S100Z: variants seen among roughly 807,000 people sequenced by gnomAD.
S100Z encodes protein S100-Z.
In S100Z, 11 loss-of-function variants were observed where a neutral mutation model predicts 8.5. The ratio of observed to expected loss-of-function variants is 1.30; its 90% CI spans 0.82 to 2.15. The LOEUF (loss-of-function observed/expected upper bound fraction) is 2.15, where lower values mean the gene tolerates loss of function less well. S100Z is among the 30% of genes most tolerant of loss of function. S100Z has a pLI of 0.00. For synonymous variants in S100Z, 34 were observed against 43.8 expected (o/e 0.78, Z 0.89); for missense variants, 126 against 117.9 (o/e 1.07, Z -0.32).
At chr5:76,896,995 A>G (rs994066277) in intron 4 of S100Z, among the ~76,000 whole-genome samples, 4 of 151,844 alleles carry the variant, frequency 2.6e-5, no homozygotes, top group African/African-American at 9.7e-5. Context: ...CGGGTTCTCT[A>G]TTTTGTTCCA....
intron 4 of S100Z, among the ~76,000 whole-genome samples, chr5:76,895,791 A>G (rs1744015668): frequency 9.7e-6 from 1 of 103,490 alleles, no homozygotes; most frequent in African/African-American, 3.9e-5. Flanking sequence ...TTTTTTTGAG[A>G]CAGAGTTTGG....
intron 1 of S100Z, among the ~76,000 whole-genome samples, chr5:76,869,255 C>A (rs891021431): frequency 6.6e-6 from 1 of 151,672 alleles, no homozygotes; most frequent in African/African-American, 2.4e-5. Context: ...CAAAAAAAAA[C>A]GTGATGTTGG....
intron 4 of S100Z, among the ~76,000 whole-genome samples, chr5:76,908,809 T>C (rs774378247): frequency 6.6e-6 from 1 of 152,196 alleles, no homozygotes; most frequent in African/African-American, 2.4e-5. Context: ...AATATCTTTA[T>C]AGGACAGGCG....
intron 1 of S100Z, among the ~76,000 whole-genome samples, chr5:76,868,751 G>A (rs1580003016): frequency 1.3e-5 from 2 of 151,556 alleles, no homozygotes; most frequent in African/African-American, 4.9e-5. Flanking sequence ...AGCCTCCCGA[G>A]TAGCTGGGAC....
chr5:76,857,442 G>A (rs750002794), intron 1 of S100Z, among the ~76,000 whole-genome samples: 2 of 151,880 alleles, frequency 1.3e-5, no homozygotes, highest in African/African-American at 2.4e-5. Flanking sequence ...CTCTGAGATG[G>A]CATTTTGTCA....
rs1216118876 is a variant in S100Z, at chr5:76,871,996, G to A, written c.-57+1712G>A. ...TCATGCCCATAATCTCAGCACTTTG[G>A]GAGGCTAAGGCAGGAGGATCACTTG... On this transcript the variant is annotated intron_variant, in intron 2 of 4. Coordinates refer to ENST00000317593, the MANE Select transcript of S100Z (RefSeq NM_130772.4). 3.3e-5 allele frequency among the ~76,000 whole-genome samples: 5 copies of A among 152,198 alleles called. No individual in the cohort carries two copies. The East Asian group carries it at 9.6e-4, about 29-fold the overall frequency.
chr5:76,879,156 C>T (rs1260337340), intron 4 of S100Z, among the ~76,000 whole-genome samples: 1 of 152,182 alleles, frequency 6.6e-6, no homozygotes, highest in Non-Finnish European at 1.5e-5. Flanking sequence ...AGCTCTTTGT[C>T]TTCCACCTTG....
chr5:76,950,217 A>C, the S100Z span, among the ~76,000 whole-genome samples: 2 of 152,250 alleles, frequency 1.3e-5, no homozygotes, highest in Admixed American at 6.5e-5. Context: ...GTGATAAATA[A>C]AAGAAAAAAT....
At chr5:76,919,526 T>TCCTCCCTCCCTC (rs145366090) in intron 4 of S100Z, among the ~76,000 whole-genome samples, 14 of 126,026 alleles carry the variant, frequency 1.1e-4, no homozygotes, top group South Asian at 1.1e-3. Context: ...TCTTCTCCCT[T>TCCTCCCTCCCTC]CCTCCCTCCC....
chr5:76,911,950 A>T (rs6879129), intron 4 of S100Z, among the ~76,000 whole-genome samples: 74,249 of 152,042 alleles, frequency 0.49, 21,078 homozygotes, highest in Non-Finnish European at 0.63. Flanking sequence ...CTCTTTATAC[A>T]TCACAGAGAG....
downstream of S100Z, among the ~76,000 whole-genome samples, chr5:76,923,200 C>T (rs1228324823): frequency 6.6e-6 from 1 of 152,170 alleles, no homozygotes; most frequent in Non-Finnish European, 1.5e-5. Flanking sequence ...ACATTTGGTT[C>T]TTAAGGCTCC....
the S100Z span, among the ~76,000 whole-genome samples, chr5:76,946,713 T>C: frequency 6.6e-6 from 1 of 152,168 alleles, no homozygotes; most frequent in Non-Finnish European, 1.5e-5. Flanking sequence ...ATATGGTTGG[T>C]ATAATTCAAT....
At chr5:76,897,351 G>T (rs1020452189) in intron 4 of S100Z, among the ~76,000 whole-genome samples, 4 of 152,010 alleles carry the variant, frequency 2.6e-5, no homozygotes, top group African/African-American at 4.8e-5. Context: ...GCTGAGGCAG[G>T]AGAATGGTGT....
chr5:76,874,620 C>G (rs1425770007), intron 2 of S100Z, among the ~76,000 whole-genome samples: 1 of 152,122 alleles, frequency 6.6e-6, no homozygotes, highest in Admixed American at 6.5e-5. Flanking sequence ...CGTATAAATG[C>G]TTATAGTTTA....
chr5:76,918,380 C>T (rs923083082), intron 4 of S100Z, among the ~76,000 whole-genome samples: 35 of 152,030 alleles, frequency 2.3e-4, no homozygotes, highest in African/African-American at 8.0e-4. Flanking sequence ...CTAACATTTG[C>T]ATTATTTGTA....
intron 4 of S100Z, among the ~76,000 whole-genome samples, chr5:76,878,753 G>GT (rs1439488112): frequency 3.3e-5 from 5 of 152,190 alleles, no homozygotes. Context: ...CAGCTAGGAG[G>GT]TTGTTGCTGT....
the S100Z span, among the ~76,000 whole-genome samples, chr5:76,939,530 T>TTTTTAA: frequency 7.9e-5 from 12 of 151,046 alleles, no homozygotes; most frequent in Non-Finnish European, 1.6e-4. Flanking sequence ...TTTTTTTTTT[T>TTTTTAA]TAATGGAGTT....
At chr5:76,939,131 A>G in the S100Z span, among the ~76,000 whole-genome samples, 4 of 146,884 alleles carry the variant, frequency 2.7e-5, no homozygotes, top group Middle Eastern at 0.01. Context: ...AAAATCAACT[A>G]TTAAGTTTGG....
At position 76,906,441 on chromosome 5, in the gene S100Z, C is replaced by T. The variant is rs190282627; in HGVS notation, c.*3-14276C>T. On this transcript the variant is annotated intron_variant, in intron 4 of 4. Coordinates refer to ENST00000317593, the MANE Select transcript of S100Z (RefSeq NM_130772.4). ...AACATCACTCCATTTCTCTGGCCTC[C>T]TCACCTGCCAGCACCTGCTACTATC... is the stretch of plus-strand genomic sequence containing the variant. 1.8e-3 allele frequency among the ~76,000 whole-genome samples: 273 copies of T among 152,250 alleles called. 6 individuals are homozygous for T. The highest frequency in any genetic ancestry group is 2.5e-4 in the Non-Finnish European group (17 of 68,014).
Sources: allele counts gnomAD v4.1 joint callset (sites outside exome capture counted in the v4.1 genomes callset), GRCh38; gene constraint gnomAD v4.1.1; transcripts MANE v1.5; gene names NCBI Gene and HGNC (gene_info 2026-07-23, HGNC 2026-07-21).